ZFP90: variants seen among roughly 807,000 people sequenced by gnomAD.
ZFP90 encodes the protein zinc finger protein 90 homolog.
In ZFP90, 38 loss-of-function variants were observed where a neutral mutation model predicts 60.8. The observed-to-expected ratio is 0.62, with a 90% CI of 0.48 to 0.82. The LOEUF (loss-of-function observed/expected upper bound fraction) is 0.82. Among genes scored for constraint, ZFP90 ranks in the 40% least tolerant of loss-of-function variants. The probability of loss-of-function intolerance (pLI) is 0.00; values close to 1 mark genes in which losing one functional copy is unlikely to be tolerated. For missense variants in ZFP90, 711 were observed against 759.1 expected, an observed-to-expected ratio of 0.94 and a Z score of 0.74; for synonymous variants, 287 against 264.8, an observed-to-expected ratio of 1.08 and a Z score of -0.82.
At chr16:68,540,808 C>CAAAAAAAAAAAAAAAAAAA (rs35122186) in intron 2 of ZFP90, among the ~76,000 whole-genome samples, 3 of 92,696 alleles carry the variant, frequency 3.2e-5, no homozygotes, top group Admixed American at 1.4e-4. Context: ...TCCGTCTCTG[C>CAAAAAAAAAAAAAAAAAAA]AAAAAAAAAA....
At chr16:68,547,227 G>A (rs943495667) in intron 2 of ZFP90, among the ~76,000 whole-genome samples, 1 of 152,146 alleles carries the variant, frequency 6.6e-6, no homozygotes, top group African/African-American at 2.4e-5. Flanking sequence ...TCTTAACAGT[G>A]CACAAAGGGT....
intron 2 of ZFP90, among the ~76,000 whole-genome samples, chr16:68,547,012 A>G (rs377016725): frequency 1.3e-5 from 2 of 152,314 alleles, no homozygotes; most frequent in East Asian, 3.9e-4. Flanking sequence ...CTTTGTTTAC[A>G]TGTTTAGCTA....
chr16:68,536,433 A>G (rs1428095262), upstream of ZFP90, among the ~76,000 whole-genome samples: 1 of 152,092 alleles, frequency 6.6e-6, no homozygotes, highest in Non-Finnish European at 1.5e-5. Context: ...CAGCCTCCCC[A>G]GTAGTTGGGG....
Position 68,565,359 on chromosome 16 carries a change from A to G in ZFP90, c.*661A>G, listed in dbSNP as rs958717921. ...AGAGGGCTTTAAAATAAATTTTAAG[A>G]TGTATCAGATACACAAACATTTAAT... On this transcript the variant is annotated 3_prime_UTR_variant, in exon 5 of 5. Coordinates refer to ENST00000563169, the MANE Select transcript of ZFP90 (RefSeq NM_001305203.2). The G allele has an allele frequency of 8.1e-6, 8 of 985,486 alleles. No individual in the cohort carries two copies. In the African/African-American group the frequency reaches 1.4e-4, roughly 17 times the overall value. The allele number at this position is 985,486 out of a possible 1,614,324, so 61.0% of individuals were successfully genotyped here.
At chr16:68,535,510 C>A (rs1040016214), upstream of ZFP90, 1 of 152,106 alleles carries the variant, frequency 6.6e-6, no homozygotes, top group Admixed American at 6.6e-5. Context: ...AAAAACAAAG[C>A]TCTTAGCTTT....
chr16:68,555,986 T>C (rs2064776793), intron 2 of ZFP90, among the ~76,000 whole-genome samples: 1 of 152,184 alleles, frequency 6.6e-6, no homozygotes, highest in Non-Finnish European at 1.5e-5. Context: ...CCATACTTTA[T>C]TATATACTTT....
chr16:68,548,555 A>G (rs1236169690), intron 2 of ZFP90, among the ~76,000 whole-genome samples: 3 of 134,344 alleles, frequency 2.2e-5, no homozygotes, highest in Admixed American at 8.6e-5. Context: ...CAATGGCGCA[A>G]TCTCGGCTCA....
intron 2 of ZFP90, among the ~76,000 whole-genome samples, chr16:68,552,976 C>T (rs1028393180): frequency 3.3e-5 from 5 of 152,040 alleles, no homozygotes; most frequent in African/African-American, 1.2e-4. Flanking sequence ...TGCCTAGGCC[C>T]GGTAGGTCAA....
At chr16:68,561,494 GACA>G (rs2091438508) in intron 4 of ZFP90, among the ~76,000 whole-genome samples, 1 of 151,752 alleles carries the variant, frequency 6.6e-6, no homozygotes. Context: ...TTCCTTTCCT[GACA>G]ACAAATATCA....
At chr16:68,574,926 C>CAAAAAA (rs10658760) in intron 2 of ZFP90, among the ~76,000 whole-genome samples, 43,045 of 102,730 alleles carry the variant, frequency 0.42, 10,552 homozygotes, top group East Asian at 0.62. Flanking sequence ...GACCCTGTCT[C>CAAAAAA]AAAAAAAAAA....
chr16:68,569,675 C>T (rs1440625821), downstream of ZFP90, among the ~76,000 whole-genome samples: 1 of 151,866 alleles, frequency 6.6e-6, no homozygotes, highest in Non-Finnish European at 1.5e-5. Context: ...GCTGGGTGGG[C>T]GAATTTCTTG....
At chr16:68,548,661 T>C (rs550978870) in intron 2 of ZFP90, among the ~76,000 whole-genome samples, 105 of 152,004 alleles carry the variant, frequency 6.9e-4, no homozygotes, top group Non-Finnish European at 1.4e-3. Context: ...CGGCTAATTT[T>C]GTATTTTTAG....
upstream of ZFP90, among the ~76,000 whole-genome samples, chr16:68,539,016 G>T (rs1157565579): frequency 6.6e-6 from 1 of 152,198 alleles, no homozygotes; most frequent in Non-Finnish European, 1.5e-5. Flanking sequence ...TCGTCGAAAG[G>T]GGCGTACGAT....
chr16:68,567,050 G>T lies in ZFP90; in HGVS notation c.*2352G>T. 1.0e-6 allele frequency: 1 copy of T among 985,538 alleles called. No individual in the cohort carries two copies. Among genetic ancestry groups the T allele is most frequent in the Non-Finnish European group, 1.2e-6 (1 of 829,930 alleles). 61.0% of individuals were successfully genotyped at this position (985,538 alleles called of 1,614,324 possible). A position where few individuals can be genotyped will look rare whatever the true frequency, so the allele number is the denominator to read the frequency against. On this transcript the variant is annotated 3_prime_UTR_variant, in exon 5 of 5. Coordinates refer to ENST00000563169, the MANE Select transcript of ZFP90 (RefSeq NM_001305203.2). ...AACAGCCATGAACCATGCACTTATG[G>T]ATACCCAGCCTTTTAGGGCTACGTG... is the stretch of plus-strand genomic sequence containing the variant.
intron 2 of ZFP90, among the ~76,000 whole-genome samples, chr16:68,553,811 G>T (rs1041562216): frequency 6.6e-6 from 1 of 152,076 alleles, no homozygotes; most frequent in African/African-American, 2.4e-5. Context: ...TTGTGTTAGA[G>T]ATGGGGTCTC....
intron 4 of ZFP90, chr16:68,561,914 A>G (rs1218814490): frequency 6.6e-6 from 1 of 152,196 alleles, no homozygotes; most frequent in Admixed American, 6.5e-5. Flanking sequence ...GGAAAGTTGA[A>G]AAAAATTTTA....
At chr16:68,539,704 C>CGGGGT (rs1292979454) in intron 1 of ZFP90, 54 bp from the exon 2 acceptor site, 1 of 868,742 alleles carries the variant, frequency 1.2e-6, no homozygotes, top group Non-Finnish European at 1.4e-6. Flanking sequence ...CGGGGCGGGG[C>CGGGGT]GGGGTGGGGT....
chr16:68,563,221 A>G lies in ZFP90; in HGVS notation c.434A>G (p.Gln145Arg). Residue 145 changes from glutamine (Q) to arginine (R), a missense_variant, in exon 5 of 5, where the codon CAG becomes CGG. By Grantham distance (43) the Gln-to-Arg change is conservative (BLOSUM62 1). Around this residue, in one of 5 missense-constraint regions of ZFP90, gnomAD observed 241 missense variants for 247.6 expected, o/e 0.97. Coordinates refer to ENST00000563169, the MANE Select transcript of ZFP90 (RefSeq NM_001305203.2). ...CATCTGGGATCAGAGGCATCCACCCAGAAGAAAATAATTACACCACAAGAA... is the reference window on the plus strand; with the variant it reads ...CATCTGGGATCAGAGGCATCCACCCGGAAGAAAATAATTACACCACAAGAA... ...KRHLGSEAST[Q>R]KKIITPQENF... The G allele has an allele frequency of 6.2e-7, 1 of 1,613,820 alleles. No homozygotes were observed. Among genetic ancestry groups the G allele is most frequent in the Non-Finnish European group, 8.5e-7 (1 of 1,179,922 alleles).
chr16:68,543,463 G>A (rs985293279), intron 2 of ZFP90, among the ~76,000 whole-genome samples: 1 of 152,156 alleles, frequency 6.6e-6, no homozygotes, highest in African/African-American at 2.4e-5. Flanking sequence ...TGGAGGAGCC[G>A]GGATACCCAT....
Sources: gnomAD v4.1 joint callset for allele counts (sites outside exome capture counted in the v4.1 genomes callset) on GRCh38, gnomAD v4.1.1 for gene constraint, gnomAD v4.1.1 regional missense constraint, MANE v1.5 for transcripts, NCBI Gene and HGNC (gene_info 2026-07-23, HGNC 2026-07-21) for gene names.